Variants in CCSER1 observed in about 807,000 individuals in gnomAD.
CCSER1 encodes serine-rich coiled-coil domain-containing protein 1.
In CCSER1, 41 loss-of-function variants were observed where a neutral mutation model predicts 82.0. The observed-to-expected ratio is 0.50, with a 90% CI of 0.39 to 0.65. The LOEUF (loss-of-function observed/expected upper bound fraction) is 0.65, where lower values mean the gene tolerates loss of function less well. Ranked by LOEUF, CCSER1 falls within the 30% of genes least tolerant of loss-of-function variation. The pLI, the probability that CCSER1 is intolerant of heterozygous loss-of-function variation, is 0.00. For synonymous variants in CCSER1, 414 were observed against 383.9 expected, an observed-to-expected ratio of 1.08 and a Z score of -0.92; for missense variants, 1,119 against 1,064.2, an observed-to-expected ratio of 1.05 and a Z score of -0.72.
chr4:90,909,807 TA>T (rs1237269222), intron 8 of CCSER1, among the ~76,000 whole-genome samples: 1 of 152,206 alleles, frequency 6.6e-6, no homozygotes, highest in Non-Finnish European at 1.5e-5. Flanking sequence ...AATCCATTAT[TA>T]GTGAAACTTT....
chr4:91,361,144 T>C (rs566068127), intron 10 of CCSER1, among the ~76,000 whole-genome samples: 1 of 151,966 alleles, frequency 6.6e-6, no homozygotes, highest in East Asian at 1.9e-4. Flanking sequence ...ATATTTCACA[T>C]ATATGTTTTA....
Position 90,567,254 on chromosome 4 carries a change from G to A in CCSER1, c.1725-60771G>A, listed in dbSNP as rs373480615. 5.2e-4 allele frequency among the ~76,000 whole-genome samples: 78 copies of A among 149,834 alleles called. 1 individual carries two copies. In the South Asian group the frequency reaches 0.016, roughly 30 times the overall value. ...AAACTTCCCCTTTTGAACTGCTGTT[G>A]CTGTTTCCCATAGGTTTTGATATGT... On this transcript the variant is annotated intron_variant, in intron 5 of 10. Transcript: ENST00000509176.
At chr4:91,381,507 C>G (rs557815324) in intron 10 of CCSER1, among the ~76,000 whole-genome samples, 9 of 152,286 alleles carry the variant, frequency 5.9e-5, no homozygotes, top group African/African-American at 2.2e-4. Context: ...TCTTCAATCA[C>G]TGATACCCTT....
chr4:91,096,042 TC>T (rs1724477010), intron 10 of CCSER1, among the ~76,000 whole-genome samples: 1 of 152,188 alleles, frequency 6.6e-6, no homozygotes, highest in African/African-American at 2.4e-5. Flanking sequence ...AATTAGAGCT[TC>T]AGGCTTTTCA....
At chr4:90,331,003 T>G (rs1739179442) in intron 3 of CCSER1, among the ~76,000 whole-genome samples, 1 of 152,122 alleles carries the variant, frequency 6.6e-6, no homozygotes. Context: ...TACAGAATTT[T>G]TTTTTCCTTT....
intron 9 of CCSER1, among the ~76,000 whole-genome samples, chr4:90,923,835 G>T (rs1333445214): frequency 6.6e-6 from 1 of 152,148 alleles, no homozygotes; most frequent in Admixed American, 6.5e-5. Flanking sequence ...ATTTTTATAT[G>T]CAGACACTTA....
intron 8 of CCSER1, among the ~76,000 whole-genome samples, chr4:90,851,761 A>T (rs1763921417): frequency 1.3e-5 from 2 of 152,138 alleles, no homozygotes; most frequent in Non-Finnish European, 2.9e-5. Context: ...TGGACACTGT[A>T]AATCTTAAAG....
intron 5 of CCSER1, among the ~76,000 whole-genome samples, chr4:90,596,347 G>A (rs753806773): frequency 6.6e-6 from 1 of 151,676 alleles, no homozygotes; most frequent in Non-Finnish European, 1.5e-5. Flanking sequence ...TTCATGGTCT[G>A]TTCATATCTG....
At chr4:90,970,039 GAAAC>G (rs1485890957) in intron 9 of CCSER1, among the ~76,000 whole-genome samples, 2 of 150,754 alleles carry the variant, frequency 1.3e-5, no homozygotes, top group East Asian at 3.9e-4. Flanking sequence ...GAAGAAGAAA[GAAAC>G]AAAGAAACTG....
intron 5 of CCSER1, among the ~76,000 whole-genome samples, chr4:90,472,949 A>G (rs1764591064): frequency 6.6e-6 from 1 of 152,198 alleles, no homozygotes; most frequent in African/African-American, 2.4e-5. Context: ...AACTCAGAAA[A>G]TCAAATACCA....
intron 4 of CCSER1, among the ~76,000 whole-genome samples, chr4:90,441,334 A>T (rs1759847123): frequency 6.6e-6 from 1 of 152,122 alleles, no homozygotes; most frequent in South Asian, 2.1e-4. Flanking sequence ...TTATTTTCTC[A>T]CAATTCTGAA....
In CCSER1 at chr4:91,080,020, T is replaced by C. The variant is rs28862070; in HGVS notation, c.2173-5930T>C. Among the ~76,000 whole-genome samples, 1,147 of 152,110 alleles carry C rather than the reference T, an allele frequency of 7.5e-3. 14 individuals are homozygous for C. Among genetic ancestry groups the C allele is most frequent in the African/African-American group, 0.024 (994 of 41,496 alleles). On this transcript the variant is annotated intron_variant, in intron 9 of 10. Coordinates refer to ENST00000509176, the MANE Select transcript of CCSER1 (RefSeq NM_001145065.2). Reference sequence around the variant, plus strand: ...TTAGACAGATCAACAAGACAGAAAGTTAATAAGGATATCCAGGAATTGAAC... The same window carrying C: ...TTAGACAGATCAACAAGACAGAAAGCTAATAAGGATATCCAGGAATTGAAC...
At chr4:91,408,749 T>C (rs544590657) in intron 10 of CCSER1, among the ~76,000 whole-genome samples, 4 of 152,342 alleles carry the variant, frequency 2.6e-5, no homozygotes, top group African/African-American at 9.6e-5. Flanking sequence ...AACATTCAGA[T>C]AGAAACAAAG....
intron 5 of CCSER1, among the ~76,000 whole-genome samples, chr4:90,544,213 G>C (rs1776468163): frequency 6.6e-6 from 1 of 152,084 alleles, no homozygotes; most frequent in Admixed American, 6.6e-5. Flanking sequence ...TTATTACCCT[G>C]TGCAAAATTA....
intron 5 of CCSER1, among the ~76,000 whole-genome samples, chr4:90,593,432 G>T (rs1024416789): frequency 6.6e-6 from 1 of 152,060 alleles, no homozygotes; most frequent in Non-Finnish European, 1.5e-5. Flanking sequence ...GAGCAGGCCC[G>T]AGGATAGAGA....
intron 9 of CCSER1, among the ~76,000 whole-genome samples, chr4:90,973,566 G>A (rs1330956487): frequency 1.3e-5 from 2 of 151,682 alleles, no homozygotes; most frequent in Admixed American, 6.6e-5. Context: ...TGGTGGGAAT[G>A]TAAGTTGTTA....
chr4:90,536,233 C>G (rs1394251690), intron 5 of CCSER1, among the ~76,000 whole-genome samples: 1 of 151,902 alleles, frequency 6.6e-6, no homozygotes, highest in Non-Finnish European at 1.5e-5. Context: ...GGGGTTTTGC[C>G]GTGTTAGCCA....
chr4:90,631,177 G>A (rs996111821), intron 6 of CCSER1, among the ~76,000 whole-genome samples: 2 of 152,212 alleles, frequency 1.3e-5, no homozygotes, highest in African/African-American at 2.4e-5. Flanking sequence ...ACAGGCATGA[G>A]CCGCCGCACC....
rs1198343555 is a variant in CCSER1 at position 90,499,721 on chromosome 4, A to G, written c.1724+31367A>G. On this transcript the variant is annotated intron_variant, in intron 5 of 10. Coordinates refer to ENST00000509176, the MANE Select transcript of CCSER1 (RefSeq NM_001145065.2). Reference sequence around the variant, plus strand: ...AGCAGAAGAATTTTTGTCAGATCTTAATGACAATTATAAGCAAGGAAAAGG... The same window carrying G: ...AGCAGAAGAATTTTTGTCAGATCTTGATGACAATTATAAGCAAGGAAAAGG... 3.3e-5 allele frequency among the ~76,000 whole-genome samples: 5 copies of G among 152,150 alleles called. No homozygotes were observed. The South Asian group carries it at 1.0e-3, about 32-fold the overall frequency.
Sources: gnomAD v4.1 joint callset for allele counts (sites outside exome capture counted in the v4.1 genomes callset) on GRCh38, gnomAD v4.1.1 for gene constraint, MANE v1.5 for transcripts, NCBI Gene and HGNC (gene_info 2026-07-23, HGNC 2026-07-21) for gene names.